Variants in PMPCB observed in about 807,000 individuals in gnomAD.
PMPCB encodes peptidase, mitochondrial processing subunit beta, also known as mitochondrial-processing peptidase subunit beta.
Under a neutral mutation model 61.5 loss-of-function variants are expected in PMPCB, and 46 were observed. The ratio of observed to expected loss-of-function variants is 0.75; its 90% CI spans 0.59 to 0.96. PMPCB has a LOEUF of 0.96. PMPCB is among the 40% of genes least tolerant of loss of function. The pLI, the probability that PMPCB is intolerant of heterozygous loss-of-function variation, is 0.00. For missense variants in PMPCB, 590 were observed against 602.4 expected, an observed-to-expected ratio of 0.98 and a Z score of 0.22; for synonymous variants, 191 against 201.6, an observed-to-expected ratio of 0.95 and a Z score of 0.44.
chr7:103,310,383 C>T lies in PMPCB; in HGVS notation c.1062C>T (p.Asn354=), dbSNP rs375074597. Residue 354 remains asparagine, a synonymous_variant, in exon 9 of 13, where the codon AAC becomes AAT. Coordinates refer to ENST00000249269, the MANE Select transcript of PMPCB (RefSeq NM_004279.3). Reference sequence around the variant, plus strand: ...TTTGCCATAGCTTTCAGTCTTTCAACACTTCCTACACAGATACAGGATTAT... The same window carrying T: ...TTTGCCATAGCTTTCAGTCTTTCAATACTTCCTACACAGATACAGGATTAT... ...GNLCHSFQSF[N]TSYTDTGLWG... 31 of 1,613,320 alleles carry T rather than the reference C, an allele frequency of 1.9e-5. No homozygotes were observed. The highest frequency in any genetic ancestry group is 2.5e-5 in the Non-Finnish European group (29 of 1,179,318).
intron 12 of PMPCB, chr7:103,324,498 T>C (rs754845996): frequency 2.0e-6 from 3 of 1,497,282 alleles, no homozygotes; most frequent in African/African-American, 1.4e-5. Context: ...GAATAAAATA[T>C]ATCTACATCT....
At chr7:103,343,548 C>T in the PMPCB span, among the ~76,000 whole-genome samples, 1 of 152,112 alleles carries the variant, frequency 6.6e-6, no homozygotes, top group Non-Finnish European at 1.5e-5. Context: ...GGAACAATAC[C>T]TATTTATCTC....
chr7:103,344,636 C>T, the PMPCB span: 1 of 1,607,454 alleles, frequency 6.2e-7, no homozygotes, highest in African/African-American at 1.3e-5. Flanking sequence ...GGCGCCGGGT[C>T]TAGCCCGGTG....
chr7:103,310,667 C>T, intron 9 of PMPCB, 192 bp downstream of exon 9: 2 of 301,082 alleles, frequency 6.6e-6, no homozygotes, highest in Non-Finnish European at 1.2e-5. Flanking sequence ...CTGATTTATA[C>T]TATAGAATTT....
chr7:103,338,476 T>C, the PMPCB span, among the ~76,000 whole-genome samples: 1 of 151,384 alleles, frequency 6.6e-6, no homozygotes, highest in Non-Finnish European at 1.5e-5. Context: ...TGTGTATTTT[T>C]AGTAGAGACA....
intron 12 of PMPCB, among the ~76,000 whole-genome samples, chr7:103,326,332 A>C (rs1277790520): frequency 6.6e-6 from 1 of 152,238 alleles, no homozygotes; most frequent in Non-Finnish European, 1.5e-5. Context: ...TTTACTATGG[A>C]AATGTAGAAC....
At chr7:103,305,610 C>G (rs552548024) in intron 6 of PMPCB, among the ~76,000 whole-genome samples, 2 of 152,228 alleles carry the variant, frequency 1.3e-5, no homozygotes, top group South Asian at 4.1e-4. Context: ...GCGAAGTGTT[C>G]TTTCGTGTTG....
At chr7:103,320,073 T>C (rs1818297047) in intron 12 of PMPCB, among the ~76,000 whole-genome samples, 1 of 152,084 alleles carries the variant, frequency 6.6e-6, no homozygotes, top group African/African-American at 2.4e-5. Flanking sequence ...TATAATTTTA[T>C]CTCAGTGTAA....
At chr7:103,322,986 A>G (rs1818502566) in intron 12 of PMPCB, among the ~76,000 whole-genome samples, 1 of 150,710 alleles carries the variant, frequency 6.6e-6, no homozygotes, top group Admixed American at 6.6e-5. Context: ...CTGGAGTGCA[A>G]TGGCGTGATT....
intron 4 of PMPCB, 91 bp from the exon 5 acceptor site, chr7:103,303,751 C>A: frequency 1.3e-6 from 1 of 771,170 alleles, no homozygotes; most frequent in Non-Finnish European, 2.1e-6. Flanking sequence ...AGTGATGGGT[C>A]AGTGTCATGA....
At chr7:103,316,761 T>C (rs1229519532), downstream of PMPCB, 1 of 1,272,824 alleles carries the variant, frequency 7.9e-7, no homozygotes, top group Non-Finnish European at 1.1e-6. Context: ...AGTGCTGCTA[T>C]TTGGAGTCTG....
chr7:103,326,280 A>G (rs1818703090), intron 12 of PMPCB, among the ~76,000 whole-genome samples: 2 of 152,172 alleles, frequency 1.3e-5, no homozygotes, highest in African/African-American at 2.4e-5. Flanking sequence ...GCCCAGCCCA[A>G]GTAAATTTAA....
At chr7:103,340,896 A>G in the PMPCB span, among the ~76,000 whole-genome samples, 20 of 152,188 alleles carry the variant, frequency 1.3e-4, no homozygotes, top group African/African-American at 3.6e-4. Context: ...CAGTCTTCAC[A>G]TAGTCAAACT....
At chr7:103,323,911 G>T (rs1432275964) in intron 12 of PMPCB, among the ~76,000 whole-genome samples, 1 of 152,176 alleles carries the variant, frequency 6.6e-6, no homozygotes, top group East Asian at 1.9e-4. Flanking sequence ...GCTTGACCAA[G>T]ACCTATTTTT....
Position 103,303,881 on chromosome 7 carries a change from T to C in PMPCB, c.497T>C (p.Leu166Ser), listed in dbSNP as rs1817511905. 1 of 1,613,716 alleles carries C rather than the reference T, an allele frequency of 6.2e-7. No individual in the cohort carries two copies. Among genetic ancestry groups the C allele is most frequent in the African/African-American group, 1.3e-5 (1 of 74,924 alleles). ...ILADIIQNST[L>S]GEAEIERERG... is the part of the protein sequence containing the mutation. Reference sequence around the variant, plus strand: ...GCTGATATAATACAAAACAGCACATTGGGAGAAGCAGAGATTGAACGTGAG... The same window carrying C: ...GCTGATATAATACAAAACAGCACATCGGGAGAAGCAGAGATTGAACGTGAG... The change falls in exon 5 of 13, where the codon TTG becomes TCG. Residue 166 changes from leucine (L) to serine (S), a missense_variant. Coordinates refer to ENST00000249269, the MANE Select transcript of PMPCB (RefSeq NM_004279.3).
chr7:103,322,636 G>A (rs1374219376), intron 12 of PMPCB: 2 of 1,612,690 alleles, frequency 1.2e-6, no homozygotes, highest in Admixed American at 1.7e-5. Flanking sequence ...GCATTGTCTA[G>A]CAAAAGAAAA....
chr7:103,345,279 A>T, the PMPCB span: 3 of 152,416 alleles, frequency 2.0e-5, no homozygotes, highest in Non-Finnish European at 4.4e-5. Context: ...GTTAGATTGT[A>T]TTCCAAGGCC....
chr7:103,336,979 C>G, the PMPCB span: 1 of 152,232 alleles, frequency 6.6e-6, no homozygotes, highest in African/African-American at 2.4e-5. Flanking sequence ...TCTTGACAGG[C>G]CCTGACTCCC....
rs1817831049 is a variant in PMPCB at position 103,312,872 on chromosome 7, A to G, written c.*601A>G. 6.4e-7 allele frequency: 1 copy of G among 1,552,002 alleles called. No individual in the cohort carries two copies. The highest frequency in any genetic ancestry group is 8.7e-7 in the Non-Finnish European group (1 of 1,155,782). On this transcript the variant is annotated 3_prime_UTR_variant, in exon 13 of 13. Transcript: ENST00000249269. The stretch of plus-strand genomic sequence containing the variant: ...AGCACTATATTATTAACCACTTAAT[A>G]GACATAAAATATGAGCTATATCACC...
Sources: allele counts gnomAD v4.1 joint callset (sites outside exome capture counted in the v4.1 genomes callset), GRCh38; gene constraint gnomAD v4.1.1; transcripts MANE v1.5; gene names NCBI Gene and HGNC (gene_info 2026-07-23, HGNC 2026-07-21).